TAFA2: variants seen among roughly 807,000 people sequenced by gnomAD.
The protein encoded by TAFA2 is TAFA chemokine like family member 2, also known as chemokine-like protein TAFA-2.
TAFA2 carries 7 observed loss-of-function variants against 18.8 expected under a neutral mutation model. The observed-to-expected ratio is 0.37, with a 90% CI of 0.21 to 0.70. TAFA2 has a LOEUF of 0.70. Among genes scored for constraint, TAFA2 ranks in the 30% least tolerant of loss-of-function variants. The pLI is 0.53. For synonymous variants in TAFA2, 60 were observed against 54.2 expected (o/e 1.11, Z -0.47); for missense variants, 122 against 158.1 (o/e 0.77, Z 1.23).
chr12:62,199,515 C>T (rs1378749500), intron 1 of TAFA2, among the ~76,000 whole-genome samples: 2 of 152,034 alleles, frequency 1.3e-5, no homozygotes, highest in Non-Finnish European at 2.9e-5. Context: ...GGGCTCCATC[C>T]ATTTCCCTGC....
intron 1 of TAFA2, among the ~76,000 whole-genome samples, chr12:62,072,107 A>G (rs1882645677): frequency 6.6e-6 from 1 of 152,152 alleles, no homozygotes; most frequent in African/African-American, 2.4e-5. Flanking sequence ...AGGTAAAGTA[A>G]AATGTAAAAT....
intron 4 of TAFA2, among the ~76,000 whole-genome samples, chr12:61,745,895 C>T (rs753504579): frequency 1.3e-5 from 2 of 151,972 alleles, no homozygotes; most frequent in South Asian, 4.1e-4. Context: ...AGAAAGGGAA[C>T]AGATGGGGGA....
chr12:62,165,120 C>T (rs2062430295), intron 1 of TAFA2, among the ~76,000 whole-genome samples: 1 of 152,086 alleles, frequency 6.6e-6, no homozygotes, highest in East Asian at 1.9e-4. Context: ...CGAGACTTCA[C>T]ATATCTTCAG....
intron 2 of TAFA2, among the ~76,000 whole-genome samples, chr12:61,832,067 G>A (rs1872740770): frequency 6.6e-6 from 1 of 151,960 alleles, no homozygotes; most frequent in South Asian, 2.1e-4. Flanking sequence ...CTTCACGCTT[G>A]CTCTTCTTCA....
intron 1 of TAFA2, among the ~76,000 whole-genome samples, chr12:62,232,949 T>C (rs1197032851): frequency 2.6e-5 from 4 of 151,840 alleles, no homozygotes; most frequent in Non-Finnish European, 5.9e-5. Context: ...TATCTGCCGT[T>C]AGCTCCTAGT....
chr12:62,115,996 T>A (rs2136871982), intron 1 of TAFA2, among the ~76,000 whole-genome samples: 1 of 152,276 alleles, frequency 6.6e-6, no homozygotes, highest in East Asian at 1.9e-4. Flanking sequence ...GAAAAAGGAA[T>A]CATTAACTAA....
intron 4 of TAFA2, among the ~76,000 whole-genome samples, chr12:61,725,768 G>A (rs542890308): frequency 6.5e-4 from 99 of 152,122 alleles, no homozygotes; most frequent in African/African-American, 2.2e-3. Flanking sequence ...GGCAAAGCAA[G>A]TAACCTGGAT....
rs1487015929 is a variant in TAFA2 at position 61,955,629 on chromosome 12, AAAAATATATATATATATATATATATAT to A, written c.-1-88230_-1-88204del. 8.4e-3 allele frequency among the ~76,000 whole-genome samples: 160 copies of A among 18,952 alleles called. 1 individual carries two copies. The highest frequency in any genetic ancestry group is 0.016 in the Non-Finnish European group (120 of 7,636). 12.4% of individuals were successfully genotyped at this position (18,952 alleles called of 152,430 possible). On this transcript the variant is annotated intron_variant, in intron 1 of 4. Coordinates refer to ENST00000416284, the MANE Select transcript of TAFA2 (RefSeq NM_178539.5). ...AAAAAAAAAAAAAAAAAAAAAAAAAAAAAATATATATATATATATATATATATATATATATATATATTTAATTTTAAA... is the reference window on the plus strand; with the variant it reads ...AAAAAAAAAAAAAAAAAAAAAAAAAAATATATATATATATTTAATTTTAAA...
intron 1 of TAFA2, among the ~76,000 whole-genome samples, chr12:62,257,535 G>A (rs1014565670): frequency 6.6e-6 from 1 of 152,138 alleles, no homozygotes; most frequent in Non-Finnish European, 1.5e-5. Context: ...AGAGGGTAAA[G>A]GAATCCTTCC....
chr12:61,785,158 ACTTC>A (rs1870675418), intron 2 of TAFA2, among the ~76,000 whole-genome samples: 1 of 151,342 alleles, frequency 6.6e-6, no homozygotes, highest in Non-Finnish European at 1.5e-5. Context: ...TCTACATGTT[ACTTC>A]TATAAGATCA....
intron 1 of TAFA2, among the ~76,000 whole-genome samples, chr12:61,995,099 A>C (rs1205518293): frequency 6.6e-6 from 1 of 152,190 alleles, no homozygotes; most frequent in African/African-American, 2.4e-5. Flanking sequence ...GAGGCTTCCC[A>C]TATCCACAGA....
At chr12:61,730,484 C>T (rs1034579364) in intron 4 of TAFA2, among the ~76,000 whole-genome samples, 7 of 152,010 alleles carry the variant, frequency 4.6e-5, no homozygotes, top group African/African-American at 7.2e-5. Flanking sequence ...TACAAGCTTA[C>T]GTCTTTTGTC....
intron 1 of TAFA2, among the ~76,000 whole-genome samples, chr12:62,074,136 C>G (rs374100429): frequency 6.6e-6 from 1 of 152,156 alleles, no homozygotes; most frequent in African/African-American, 2.4e-5. Context: ...GTGTTTTACC[C>G]TTCCCCTTCC....
At chr12:61,869,487 AG>A (rs1334326899) in intron 1 of TAFA2, among the ~76,000 whole-genome samples, 1 of 152,216 alleles carries the variant, frequency 6.6e-6, no homozygotes, top group East Asian at 1.9e-4. Context: ...CCAGTTCCAC[AG>A]ACTGTTATTA....
At chr12:62,056,836 A>G (rs927135127) in intron 1 of TAFA2, among the ~76,000 whole-genome samples, 1 of 152,358 alleles carries the variant, frequency 6.6e-6, no homozygotes, top group Middle Eastern at 3.4e-3. Flanking sequence ...AAGCGTAACA[A>G]TAACCACAAC....
intron 1 of TAFA2, among the ~76,000 whole-genome samples, chr12:61,907,448 G>C (rs750406130): frequency 4.6e-5 from 7 of 152,222 alleles, no homozygotes; most frequent in Admixed American, 1.3e-4. Context: ...TGTTGGTGCA[G>C]AGAAGTTAAG....
At chr12:61,896,951 C>G (rs1210431928) in intron 1 of TAFA2, among the ~76,000 whole-genome samples, 2 of 152,040 alleles carry the variant, frequency 1.3e-5, no homozygotes, top group Non-Finnish European at 2.9e-5. Flanking sequence ...TAGATAATAT[C>G]TTATCTCTAT....
intron 1 of TAFA2, among the ~76,000 whole-genome samples, chr12:61,992,316 C>A (rs754505844): frequency 2.0e-5 from 3 of 152,170 alleles, no homozygotes; most frequent in Non-Finnish European, 4.4e-5. Flanking sequence ...AAACTCCATT[C>A]AGAAGAATCT....
chr12:62,045,197 A>T (rs1393509737), intron 1 of TAFA2, among the ~76,000 whole-genome samples: 1 of 152,108 alleles, frequency 6.6e-6, no homozygotes, highest in Non-Finnish European at 1.5e-5. Flanking sequence ...AAATCCATAC[A>T]ATTAAATTGA....
Sources: allele counts gnomAD v4.1 joint callset (sites outside exome capture counted in the v4.1 genomes callset), GRCh38; gene constraint gnomAD v4.1.1; transcripts MANE v1.5; gene names NCBI Gene and HGNC (gene_info 2026-07-23, HGNC 2026-07-21).